The following UBQLN1 variants were observed in gnomAD, a reference collection of about 807,000 sequenced individuals.
The protein encoded by UBQLN1 is ubiquilin-1.
A neutral mutation model predicts 65.4 loss-of-function variants in UBQLN1; 13 were observed. That is an observed-to-expected ratio of 0.20 (90% CI 0.13 to 0.32). The LOEUF (loss-of-function observed/expected upper bound fraction) is 0.32, where lower values mean the gene tolerates loss of function less well. UBQLN1 is among the 10% of genes least tolerant of loss of function. UBQLN1 has a pLI of 1.00. For synonymous variants in UBQLN1, 267 were observed against 247.8 expected (o/e 1.08, Z -0.73); for missense variants, 561 against 724.0 (o/e 0.77, Z 2.58).
chr9:83,674,887 G>C (rs1401823337), intron 6 of UBQLN1, among the ~76,000 whole-genome samples: 2 of 152,090 alleles, frequency 1.3e-5, no homozygotes. Context: ...ACTTGAAGTA[G>C]AATCTGCTAA....
At chr9:83,669,162 T>A in intron 7 of UBQLN1, 23 bp downstream of exon 7, 1 of 1,598,242 alleles carries the variant, frequency 6.3e-7, no homozygotes, top group South Asian at 1.1e-5. Flanking sequence ...GCACAGTCTT[T>A]TTCAATACAA....
chr9:83,701,729 G>T (rs1190599645), intron 1 of UBQLN1, among the ~76,000 whole-genome samples: 3 of 151,822 alleles, frequency 2.0e-5, no homozygotes, highest in African/African-American at 7.3e-5. Context: ...AATGTAAAAT[G>T]GTACAGACAC....
intron 4 of UBQLN1, 44 bp downstream of exon 4, chr9:83,679,731 A>T: frequency 6.3e-7 from 1 of 1,586,310 alleles, no homozygotes; most frequent in Non-Finnish European, 8.6e-7. Flanking sequence ...AATAACAAAT[A>T]TATCATTTTT....
At chr9:83,707,469 C>T (rs1231056827) in intron 1 of UBQLN1, 31 bp downstream of exon 1, 1 of 1,589,844 alleles carries the variant, frequency 6.3e-7, no homozygotes. Context: ...GCCGCCACCC[C>T]CATCCCGGCC....
chr9:83,677,218 A>T (rs1326720191), intron 6 of UBQLN1, among the ~76,000 whole-genome samples: 1 of 152,192 alleles, frequency 6.6e-6, no homozygotes, highest in Non-Finnish European at 1.5e-5. Flanking sequence ...GTAACTAGTA[A>T]CAACTACACA....
chr9:83,683,122 A>C (rs1831974240), intron 2 of UBQLN1, 56 bp from the exon 3 acceptor site: 4 of 1,331,562 alleles, frequency 3.0e-6, no homozygotes, highest in Non-Finnish European at 4.3e-6. Flanking sequence ...TTTTAAAAGA[A>C]CCACCAAAGG....
At chr9:83,671,879 T>C (rs1485358467) in intron 6 of UBQLN1, among the ~76,000 whole-genome samples, 1 of 152,256 alleles carries the variant, frequency 6.6e-6, no homozygotes, top group Non-Finnish European at 1.5e-5. Context: ...GATATCTTCT[T>C]CCAATAGAAG....
At chr9:83,697,478 G>C (rs1385826276) in intron 1 of UBQLN1, among the ~76,000 whole-genome samples, 1 of 149,552 alleles carries the variant, frequency 6.7e-6, no homozygotes, top group Non-Finnish European at 1.5e-5. Flanking sequence ...TGTGAACCCA[G>C]GGGGCGGAGG....
chr9:83,707,406 C>T, intron 1 of UBQLN1, 94 bp downstream of exon 1: 2 of 1,338,396 alleles, frequency 1.5e-6, no homozygotes, highest in South Asian at 3.0e-5. Context: ...CCGAGGACGA[C>T]CCCTCTCCCA....
At chr9:83,706,195 T>C (rs2131195486) in intron 1 of UBQLN1, among the ~76,000 whole-genome samples, 1 of 152,296 alleles carries the variant, frequency 6.6e-6, no homozygotes, top group Admixed American at 6.5e-5. Context: ...CATGTACTGG[T>C]GTCATCTACT....
chr9:83,668,930 A>G (rs946196264), intron 7 of UBQLN1: 6 of 394,254 alleles, frequency 1.5e-5, no homozygotes, highest in Admixed American at 9.2e-5. Context: ...TCCTAACTCA[A>G]CATATGTAGA....
chr9:83,669,059 A>C lies in UBQLN1; in HGVS notation c.1248+126T>G, dbSNP rs527591172. On this transcript the variant is annotated intron_variant, in intron 7 of 10. Transcript: ENST00000376395. ...ACACGGTCTAAAAAATTGGAGACAC[A>C]GTTTACTTATTTTTCTAGTGTATTA... 1.3e-4 allele frequency: 151 copies of C among 1,124,612 alleles called. No homozygotes were observed. In the African/African-American group the frequency reaches 2.4e-3, roughly 18 times the overall value. 69.7% of individuals were successfully genotyped at this position (1,124,612 alleles called of 1,614,324 possible).
chr9:83,667,763 A>G (rs1831665710), intron 7 of UBQLN1: 1 of 975,006 alleles, frequency 1.0e-6, no homozygotes, highest in Non-Finnish European at 1.2e-6. Flanking sequence ...TGCTTATACC[A>G]CAAGTTTTTA....
At chr9:83,677,419 G>A (rs767638815) in intron 6 of UBQLN1, among the ~76,000 whole-genome samples, 12 of 152,034 alleles carry the variant, frequency 7.9e-5, no homozygotes, top group East Asian at 1.9e-4. Flanking sequence ...AAAATTAGCC[G>A]GGCATGGTGG....
intron 7 of UBQLN1, chr9:83,667,794 T>C: frequency 1.0e-6 from 1 of 973,188 alleles, no homozygotes; most frequent in Non-Finnish European, 1.2e-6. Context: ...TCTTTTTAAA[T>C]ATTTAAAAAT....
chr9:83,696,595 C>A (rs1371083845), intron 1 of UBQLN1, among the ~76,000 whole-genome samples: 1 of 151,402 alleles, frequency 6.6e-6, no homozygotes, highest in African/African-American at 2.4e-5. Context: ...GCTGTGATCG[C>A]ACTACTGCAC....
At chr9:83,667,564 C>G in intron 7 of UBQLN1, 1 of 985,426 alleles carries the variant, frequency 1.0e-6, no homozygotes, top group Non-Finnish European at 1.2e-6. Context: ...AGTAAGTAAA[C>G]TCATACAGGC....
At chr9:83,666,247 CTA>C (rs1831641312) in intron 8 of UBQLN1, 101 bp downstream of exon 8, 10 of 1,084,260 alleles carry the variant, frequency 9.2e-6, no homozygotes, top group Middle Eastern at 2.1e-4. Context: ...GGTCTCTATT[CTA>C]TGTTTTGCTA....
chr9:83,669,613 C>T (rs1175303373), intron 6 of UBQLN1, among the ~76,000 whole-genome samples: 4 of 152,260 alleles, frequency 2.6e-5, no homozygotes, highest in African/African-American at 7.2e-5. Context: ...GCAAAAATTA[C>T]GTATGGTCAA....
Sources: allele counts gnomAD v4.1 joint callset (sites outside exome capture counted in the v4.1 genomes callset), GRCh38; gene constraint gnomAD v4.1.1; transcripts MANE v1.5; gene names NCBI Gene and HGNC (gene_info 2026-07-23, HGNC 2026-07-21).